Variants in GRM8 observed in about 807,000 individuals in gnomAD.
The protein encoded by GRM8 is glutamate metabotropic receptor 8.
A neutral mutation model predicts 87.2 loss-of-function variants in GRM8; 47 were observed. That is an observed-to-expected ratio of 0.54 (90% CI 0.43 to 0.69). The LOEUF (loss-of-function observed/expected upper bound fraction) is 0.69. Among genes scored for constraint, GRM8 ranks in the 30% least tolerant of loss-of-function variants. The pLI is 0.00. For synonymous variants in GRM8, 396 were observed against 404.5 expected, an observed-to-expected ratio of 0.98 and a Z score of 0.25; for missense variants, 1,019 against 1,139.2, an observed-to-expected ratio of 0.89 and a Z score of 1.52.
intron 7 of GRM8, among the ~76,000 whole-genome samples, chr7:126,660,874 A>C (rs1034595880): frequency 1.5e-4 from 23 of 151,608 alleles, no homozygotes; most frequent in African/African-American, 5.3e-4. Context: ...TATATTTCAC[A>C]CCAATCACTT....
intron 3 of GRM8, among the ~76,000 whole-genome samples, chr7:126,953,740 G>A (rs908635924): frequency 1.3e-5 from 2 of 152,082 alleles, no homozygotes; most frequent in African/African-American, 4.8e-5. Context: ...ACAGCAAAGG[G>A]AATGAAGCCT....
intron 8 of GRM8, among the ~76,000 whole-genome samples, chr7:126,535,095 G>A (rs1815482408): frequency 6.6e-6 from 1 of 152,104 alleles, no homozygotes; most frequent in Non-Finnish European, 1.5e-5. Flanking sequence ...TCATAAGTTC[G>A]CCTTTACTAA....
intron 2 of GRM8, among the ~76,000 whole-genome samples, chr7:127,208,107 A>C (rs1796017197): frequency 6.6e-6 from 1 of 152,148 alleles, no homozygotes; most frequent in Non-Finnish European, 1.5e-5. Flanking sequence ...GAGACCATGG[A>C]CCATGGACTG....
At chr7:126,717,061 G>T (rs368879990) in intron 7 of GRM8, among the ~76,000 whole-genome samples, 1 of 152,200 alleles carries the variant, frequency 6.6e-6, no homozygotes, top group Admixed American at 6.5e-5. Context: ...TTGCCTGAGA[G>T]ATGCAGCAGA....
chr7:126,962,632 A>G (rs1268166340), intron 3 of GRM8, among the ~76,000 whole-genome samples: 1 of 152,224 alleles, frequency 6.6e-6, no homozygotes, highest in Non-Finnish European at 1.5e-5. Context: ...GCCTTTTAAT[A>G]GCTCAGTTAG....
At chr7:126,635,355 T>G (rs1563040078) in intron 7 of GRM8, among the ~76,000 whole-genome samples, 1 of 152,172 alleles carries the variant, frequency 6.6e-6, no homozygotes. Flanking sequence ...ACTTTCTGTA[T>G]TTCCCACTAT....
At chr7:127,008,152 G>T (rs1387406786) in intron 3 of GRM8, among the ~76,000 whole-genome samples, 1 of 151,992 alleles carries the variant, frequency 6.6e-6, no homozygotes, top group Non-Finnish European at 1.5e-5. Context: ...TCTGGCAGAG[G>T]CTTTAAATAG....
intron 3 of GRM8, among the ~76,000 whole-genome samples, chr7:126,997,691 G>T (rs557388880): frequency 2.6e-5 from 4 of 151,610 alleles, no homozygotes; most frequent in African/African-American, 9.7e-5. Context: ...TGGAGGAAAC[G>T]GATAAATTCC....
chr7:127,209,452 GC>G (rs1796091647), intron 2 of GRM8, among the ~76,000 whole-genome samples: 1 of 152,204 alleles, frequency 6.6e-6, no homozygotes, highest in Non-Finnish European at 1.5e-5. Flanking sequence ...GAATCCAGCA[GC>G]CCCTACCTGG....
intron 2 of GRM8, among the ~76,000 whole-genome samples, chr7:127,172,991 T>C (rs1463653985): frequency 6.6e-6 from 1 of 152,122 alleles, no homozygotes; most frequent in Non-Finnish European, 1.5e-5. Flanking sequence ...AAACACTTCC[T>C]AGAAAGGAAT....
At chr7:126,982,406 C>T (rs1444925255) in intron 3 of GRM8, among the ~76,000 whole-genome samples, 1 of 152,122 alleles carries the variant, frequency 6.6e-6, no homozygotes, top group Non-Finnish European at 1.5e-5. Flanking sequence ...ATCACAAGTC[C>T]ACCCCTTGAC....
chr7:127,101,723 T>C (rs537493628), intron 3 of GRM8, among the ~76,000 whole-genome samples: 6 of 152,130 alleles, frequency 3.9e-5, no homozygotes, highest in Non-Finnish European at 5.9e-5. Context: ...GGTATTTCTT[T>C]ATAGAAATGC....
At chr7:126,664,636 A>G (rs1805569647) in intron 7 of GRM8, among the ~76,000 whole-genome samples, 1 of 152,178 alleles carries the variant, frequency 6.6e-6, no homozygotes, top group Non-Finnish European at 1.5e-5. Context: ...GATAGATTAA[A>G]AAGTTAAATA....
intron 3 of GRM8, among the ~76,000 whole-genome samples, chr7:126,926,527 G>C (rs1318689312): frequency 2.0e-5 from 3 of 152,136 alleles, no homozygotes; most frequent in Non-Finnish European, 4.4e-5. Flanking sequence ...TCTGCCTCCA[G>C]TTCAATAGTT....
intron 8 of GRM8, among the ~76,000 whole-genome samples, chr7:126,587,400 C>A (rs1000168298): frequency 9.2e-5 from 14 of 152,110 alleles, no homozygotes; most frequent in Admixed American, 7.2e-4. Flanking sequence ...CGGCACTATT[C>A]ACAATAGCAA....
At chr7:126,460,528 C>G (rs905548333) in intron 9 of GRM8, among the ~76,000 whole-genome samples, 1 of 151,582 alleles carries the variant, frequency 6.6e-6, no homozygotes, top group Non-Finnish European at 1.5e-5. Context: ...ACTCATAACT[C>G]TAGACCACAG....
At chr7:126,938,074 AG>A (rs530895050) in intron 3 of GRM8, among the ~76,000 whole-genome samples, 213 of 152,320 alleles carry the variant, frequency 1.4e-3, no homozygotes, top group Admixed American at 3.8e-3. Flanking sequence ...CCCCTCTTGT[AG>A]CTAACTAGAC....
chr7:126,609,136 G>GA (rs1019065216), intron 8 of GRM8, among the ~76,000 whole-genome samples: 1 of 151,854 alleles, frequency 6.6e-6, no homozygotes, highest in Non-Finnish European at 1.5e-5. Flanking sequence ...TCAACTGCAG[G>GA]AAAAAAATCA....
At chr7:126,779,794 T>C (rs1188885477) in intron 6 of GRM8, among the ~76,000 whole-genome samples, 3 of 152,200 alleles carry the variant, frequency 2.0e-5, no homozygotes, top group Admixed American at 6.5e-5. Flanking sequence ...ATTTAAATTC[T>C]ACACATCCTA....
Sources: gnomAD v4.1 joint callset for allele counts (sites outside exome capture counted in the v4.1 genomes callset) on GRCh38, gnomAD v4.1.1 for gene constraint, MANE v1.5 for transcripts, NCBI Gene and HGNC (gene_info 2026-07-23, HGNC 2026-07-21) for gene names.